The following DLGAP4 variants were observed in gnomAD, a reference collection of about 807,000 sequenced individuals.
DLGAP4 encodes DLG associated protein 4.
A neutral mutation model predicts 86.9 loss-of-function variants in DLGAP4; 18 were observed. The observed-to-expected ratio is 0.21, with a 90% CI of 0.14 to 0.31. The LOEUF (loss-of-function observed/expected upper bound fraction) is 0.31, where lower values mean the gene tolerates loss of function less well. DLGAP4 is among the 10% of genes least tolerant of loss of function. The pLI, the probability that DLGAP4 is intolerant of heterozygous loss-of-function variation, is 1.00. For synonymous variants in DLGAP4, 548 were observed against 574.3 expected (o/e 0.95, Z 0.65); for missense variants, 1,085 against 1,362.6 (o/e 0.80, Z 3.21).
intron 4 of DLGAP4, 41 bp downstream of exon 4, chr20:36,436,391 A>G (rs377672729): frequency 1.3e-6 from 2 of 1,541,050 alleles, no homozygotes; most frequent in Non-Finnish European, 1.7e-6. Flanking sequence ...GCCCAGAGGC[A>G]AGCCCCGCCC....
Position 36,419,867 on chromosome 20 carries a change from A to T in DLGAP4, c.-72-11779A>T, listed in dbSNP as rs1274281412. On this transcript the variant is annotated intron_variant, in intron 2 of 12. Coordinates refer to ENST00000339266, the MANE Select transcript of DLGAP4 (RefSeq NM_001365621.2). ...CAATATCCTATTGGTGACACCGGTC[A>T]ACCCTGCACATGTTAAGGGAGAGGG... is the stretch of plus-strand genomic sequence containing the variant. Among the ~76,000 whole-genome samples, 3 of 152,256 alleles carry T rather than the reference A, an allele frequency of 2.0e-5. No individual in the cohort carries two copies. The East Asian group carries it at 5.8e-4, about 29-fold the overall frequency.
At chr20:36,469,983 TC>T (rs2034588827) in intron 7 of DLGAP4, among the ~76,000 whole-genome samples, 1 of 151,904 alleles carries the variant, frequency 6.6e-6, no homozygotes. Context: ...CTGGGGACCC[TC>T]CCCACCTCCT....
intron 3 of DLGAP4, among the ~76,000 whole-genome samples, chr20:36,434,395 TGTG>T: frequency 6.6e-6 from 1 of 152,292 alleles, no homozygotes; most frequent in East Asian, 1.9e-4. Context: ...TTAGGGCTCT[TGTG>T]GTTCTGAAAC....
At chr20:36,462,367 A>G (rs1600569458) in intron 7 of DLGAP4, 1 of 1,370,054 alleles carries the variant, frequency 7.3e-7, no homozygotes, top group Non-Finnish European at 9.3e-7. Context: ...CTGTGCCCCC[A>G]CATCTGTCTC....
chr20:36,518,147 G>A (rs1600705881), intron 10 of DLGAP4, among the ~76,000 whole-genome samples: 1 of 151,954 alleles, frequency 6.6e-6, no homozygotes, highest in East Asian at 1.9e-4. Flanking sequence ...GCTTGAACTC[G>A]GGAGGCAGAG....
intron 7 of DLGAP4, among the ~76,000 whole-genome samples, chr20:36,458,809 G>A (rs1301941833): frequency 6.6e-6 from 1 of 152,312 alleles, no homozygotes; most frequent in East Asian, 1.9e-4. Context: ...GATGATGGTG[G>A]CTTAGGCAGG....
intron 1 of DLGAP4, among the ~76,000 whole-genome samples, chr20:36,318,045 A>ATTACTGTG (rs1430351094): frequency 2.0e-5 from 3 of 151,374 alleles, no homozygotes; most frequent in African/African-American, 7.3e-5. Flanking sequence ...CTCACTACTT[A>ATTACTGTG]TTACTGTGGA....
chr20:36,331,222 G>A (rs937587466), intron 1 of DLGAP4, among the ~76,000 whole-genome samples: 6 of 152,330 alleles, frequency 3.9e-5, no homozygotes, highest in African/African-American at 7.2e-5. Context: ...CCTATTGAGC[G>A]TCTGCTCCCA....
rs1192138648 is a variant in DLGAP4 at position 36,525,236 on chromosome 20, AAAAAAAAAAAAAAAAAAAC to A, written c.2605-611_2605-593del. ...CGTCTCAAAAAAAAAAAAAAAAAAAAAAAAAAAAAAAAAAAAAACAAAGAAATCCCACTGCTGGGATTGG... is the reference window on the plus strand; with the variant it reads ...CGTCTCAAAAAAAAAAAAAAAAAAAAAAAGAAATCCCACTGCTGGGATTGG... On this transcript the variant is annotated intron_variant, in intron 11 of 12. Coordinates refer to ENST00000339266, the MANE Select transcript of DLGAP4 (RefSeq NM_001365621.2). Among the ~76,000 whole-genome samples the A allele has an allele frequency of 5.7e-4, 75 of 132,308 alleles. 2 individuals carry two copies. The highest frequency in any genetic ancestry group is 1.5e-3 in the South Asian group (6 of 4,054). The allele number at this position is 132,308 out of a possible 152,430, so 86.8% of individuals were successfully genotyped here.
At chr20:36,484,378 A>G (rs1175006752) in intron 7 of DLGAP4, among the ~76,000 whole-genome samples, 1 of 152,140 alleles carries the variant, frequency 6.6e-6, no homozygotes, top group Non-Finnish European at 1.5e-5. Context: ...TGACCCCAAC[A>G]TGTCAGGAAA....
In DLGAP4 at chr20:36,350,956, C is replaced by T. The variant is rs997815210; in HGVS notation, c.-303-16089C>T. 3.3e-5 allele frequency among the ~76,000 whole-genome samples: 5 copies of T among 152,256 alleles called. No individual in the cohort carries two copies. Among genetic ancestry groups the T allele is most frequent in the African/African-American group, 4.8e-5 (2 of 41,474 alleles). On this transcript the variant is annotated intron_variant, in intron 1 of 12. Transcript: ENST00000339266. The surrounding 1 kb of genome is among the most constrained non-coding windows in gnomAD (Gnocchi z 4.4). ...GTCAGGTGCCACGCCGGGGCAGCTG[C>T]ATTGTTGGTTCAGAGGTATCTGTGG...
chr20:36,501,256 G>T (rs920323209), intron 10 of DLGAP4, among the ~76,000 whole-genome samples: 1 of 151,986 alleles, frequency 6.6e-6, no homozygotes, highest in Non-Finnish European at 1.5e-5. Context: ...AGTAGAGACG[G>T]GGTTTCACCA....
rs909364132 is a variant in DLGAP4 at position 36,319,606 on chromosome 20, G to A, written c.-304+13094G>A. Among the ~76,000 whole-genome samples, 5 of 152,218 alleles carry A rather than the reference G, an allele frequency of 3.3e-5. No individual in the cohort carries two copies. The East Asian group carries it at 9.6e-4, about 29-fold the overall frequency. ...GCCCTGCACAGAGGGCACAGTGCTT[G>A]TCCCCATCTCACAGAGGTGGGAAAC... On this transcript the variant is annotated intron_variant, in intron 1 of 12. Coordinates refer to ENST00000339266, the MANE Select transcript of DLGAP4 (RefSeq NM_001365621.2).
chr20:36,462,474 T>A, intron 7 of DLGAP4: 1 of 1,569,358 alleles, frequency 6.4e-7, no homozygotes, highest in Non-Finnish European at 8.6e-7. Context: ...TTTTCAGCCC[T>A]AGCCCCCTGT....
intron 1 of DLGAP4, among the ~76,000 whole-genome samples, chr20:36,324,769 T>A (rs1217158558): frequency 6.6e-6 from 1 of 152,256 alleles, no homozygotes; most frequent in African/African-American, 2.4e-5. Context: ...TCTTTTAATA[T>A]CTGTAGACTC....
intron 7 of DLGAP4, among the ~76,000 whole-genome samples, chr20:36,453,866 G>A (rs2033805826): frequency 6.7e-6 from 1 of 148,726 alleles, no homozygotes; most frequent in Admixed American, 6.8e-5. Flanking sequence ...CCAGGAGGCG[G>A]AGGTTGCAGT....
chr20:36,329,726 A>C (rs1392770986), intron 1 of DLGAP4, among the ~76,000 whole-genome samples: 1 of 152,072 alleles, frequency 6.6e-6, no homozygotes, highest in African/African-American at 2.4e-5. Context: ...GTGAAACCCC[A>C]TCTCTACTAA....
intron 10 of DLGAP4, among the ~76,000 whole-genome samples, chr20:36,505,468 A>T (rs2036321149): frequency 6.6e-6 from 1 of 151,700 alleles, no homozygotes; most frequent in African/African-American, 2.4e-5. Flanking sequence ...CTTTCTATGG[A>T]CCCCTTCTTA....
rs2036119605 is a variant in DLGAP4, at chr20:36,500,988, T to C, written c.2512+377T>C. On this transcript the variant is annotated intron_variant, in intron 10 of 12. Transcript: ENST00000339266. The surrounding 1 kb of genome is among the most constrained non-coding windows in gnomAD (Gnocchi z 4.6). ...ATATGAGCATGTTGTAAGGATTGAATGTGGTCGTGCATGTGAAGGGCCTGA... is the reference window on the plus strand; with the variant it reads ...ATATGAGCATGTTGTAAGGATTGAACGTGGTCGTGCATGTGAAGGGCCTGA... Among the ~76,000 whole-genome samples the C allele has an allele frequency of 6.6e-6, 1 of 152,008 alleles. No homozygotes were observed. Among genetic ancestry groups the C allele is most frequent in the Non-Finnish European group, 1.5e-5 (1 of 68,006 alleles).
Sources: allele counts gnomAD v4.1 joint callset (sites outside exome capture counted in the v4.1 genomes callset), GRCh38; gene constraint gnomAD v4.1.1; non-coding constraint Gnocchi (gnomAD v3.1); transcripts MANE v1.5; gene names NCBI Gene and HGNC (gene_info 2026-07-23, HGNC 2026-07-21).